HEG1: variants seen among roughly 807,000 people sequenced by gnomAD.
The protein encoded by HEG1 is protein HEG homolog 1.
In HEG1, 56 loss-of-function variants were observed where a neutral mutation model predicts 125.6. The observed-to-expected ratio is 0.45, with a 90% CI of 0.36 to 0.56. The LOEUF is 0.56. Ranked by LOEUF, HEG1 falls within the 20% of genes least tolerant of loss-of-function variation. The probability of loss-of-function intolerance (pLI) is 0.00; values close to 1 mark genes in which losing one functional copy is unlikely to be tolerated. For synonymous variants in HEG1, 644 were observed against 668.5 expected, an observed-to-expected ratio of 0.96 and a Z score of 0.57; for missense variants, 1,523 against 1,670.0, an observed-to-expected ratio of 0.91 and a Z score of 1.53.
intron 16 of HEG1, among the ~76,000 whole-genome samples, chr3:124,973,216 G>A (rs1165025123): frequency 6.6e-6 from 1 of 151,796 alleles, no homozygotes; most frequent in African/African-American, 2.4e-5. Context: ...CACGGTTTCT[G>A]TAGAGACATG....
chr3:125,010,567 T>C lies in HEG1; in HGVS notation c.2957-12A>G, dbSNP rs1937144085. On this transcript the variant is annotated splice_polypyrimidine_tract_variant and intron_variant, in intron 6 of 16. Coordinates refer to ENST00000311127, the MANE Select transcript of HEG1 (RefSeq NM_020733.2). ...AGCACAGCTGTTGACTACAAACACA[T>C]TCCAGGAGTAAAGCAGTTAACCACA... 6.7e-7 allele frequency: 1 copy of C among 1,501,822 alleles called. No homozygotes were observed. The highest frequency in any genetic ancestry group is 9.1e-7 in the Non-Finnish European group (1 of 1,104,670). The allele number at this position is 1,501,822 out of a possible 1,614,324, so 93.0% of individuals were successfully genotyped here.
At chr3:125,039,687 A>G (rs1410796216) in intron 1 of HEG1, among the ~76,000 whole-genome samples, 1 of 152,142 alleles carries the variant, frequency 6.6e-6, no homozygotes, top group Admixed American at 6.5e-5. Flanking sequence ...CATATAGCAC[A>G]TGGGGAAACT....
intron 1 of HEG1, among the ~76,000 whole-genome samples, chr3:125,055,252 G>A (rs1392109570): frequency 6.6e-6 from 1 of 152,224 alleles, no homozygotes; most frequent in Non-Finnish European, 1.5e-5. Flanking sequence ...GATATCGGAG[G>A]TGGGAGAGAT....
intron 14 of HEG1, among the ~76,000 whole-genome samples, chr3:124,978,439 G>T (rs538194942): frequency 2.0e-5 from 3 of 152,122 alleles, no homozygotes; most frequent in Admixed American, 2.0e-4. Context: ...GAGCCACCGC[G>T]CCCGGCCGAA....
At chr3:124,971,109 C>A in intron 16 of HEG1, 1 of 513,990 alleles carries the variant, frequency 1.9e-6, no homozygotes, top group Non-Finnish European at 3.8e-6. Flanking sequence ...AGGCCAACAG[C>A]AATCCTCAAG....
intron 11 of HEG1, among the ~76,000 whole-genome samples, chr3:125,000,134 C>T (rs1212713708): frequency 1.3e-5 from 2 of 152,118 alleles, no homozygotes; most frequent in African/African-American, 4.8e-5. Flanking sequence ...CTGTTTTTTT[C>T]AGCTAATATG....
chr3:125,048,117 C>T (rs1202799613), intron 1 of HEG1, among the ~76,000 whole-genome samples: 1 of 152,130 alleles, frequency 6.6e-6, no homozygotes, highest in African/African-American at 2.4e-5. Flanking sequence ...GTCTGCCTCC[C>T]ATGCCATCTG....
At chr3:124,989,003 C>A (rs1233052487) in intron 14 of HEG1, among the ~76,000 whole-genome samples, 1 of 152,122 alleles carries the variant, frequency 6.6e-6, no homozygotes, top group African/African-American at 2.4e-5. Flanking sequence ...AGAATTGCCT[C>A]CCTAGTCTTT....
intron 1 of HEG1, among the ~76,000 whole-genome samples, chr3:125,038,866 A>C (rs1937569359): frequency 6.6e-6 from 1 of 152,210 alleles, no homozygotes; most frequent in Non-Finnish European, 1.5e-5. Context: ...CAATGAAGTC[A>C]GGAGTAAGGA....
Position 125,002,039 on chromosome 3 carries a change from A to G in HEG1, c.3357-27T>C, listed in dbSNP as rs4557206. 2,594 of 1,613,008 alleles carry G rather than the reference A, an allele frequency of 1.6e-3. 32 individuals are homozygous for G. In the African/African-American group the frequency reaches 0.029, roughly 18 times the overall value. The stretch of plus-strand genomic sequence containing the variant: ...TATAGGCAAAGTTTGTGGGTTTTTA[A>G]CAGCCCTGAAATGACACGTGGGTCC... On this transcript the variant is annotated intron_variant, in intron 10 of 16. Coordinates refer to ENST00000311127, the MANE Select transcript of HEG1 (RefSeq NM_020733.2).
rs1415096215 is a variant in HEG1 at position 124,967,536 on chromosome 3, A to G, written c.*3116T>C. ...AATAATATTAAGGTTCCTTAAAAAA[A>G]TAACTTATCTTTAAAGCCCTTTCTC... On this transcript the variant is annotated 3_prime_UTR_variant, in exon 17 of 17. Coordinates refer to ENST00000311127, the MANE Select transcript of HEG1 (RefSeq NM_020733.2). 1 of 151,432 alleles carries G rather than the reference A, an allele frequency of 6.6e-6. No individual in the cohort carries two copies. The highest frequency in any genetic ancestry group is 1.5e-5 in the Non-Finnish European group (1 of 67,970). 9.4% of individuals were successfully genotyped at this position (151,432 alleles called of 1,614,324 possible). A position where few individuals can be genotyped will look rare whatever the true frequency, so the allele number is the denominator to read the frequency against.
At chr3:125,038,400 A>G (rs906982058) in intron 1 of HEG1, among the ~76,000 whole-genome samples, 1 of 152,138 alleles carries the variant, frequency 6.6e-6, no homozygotes, top group African/African-American at 2.4e-5. Context: ...ACTGTCCCCT[A>G]TTGAACTCCG....
At chr3:125,038,018 T>C (rs569428841) in intron 1 of HEG1, among the ~76,000 whole-genome samples, 1 of 152,320 alleles carries the variant, frequency 6.6e-6, no homozygotes, top group South Asian at 2.1e-4. Context: ...ATGCTACATA[T>C]GTCATAGCTA....
chr3:125,013,398 T>C lies in HEG1; in HGVS notation c.2181A>G (p.Thr727=), dbSNP rs753182458. The part of the protein sequence containing the change: ...SPLPVSLTTS[T]SAPLSVSQTT... ...TTTGTGAGACAGAAAGTGGGGCAGA[T>C]GTAGATGTCGTTAAGGATACTGGTA... The change falls in exon 6 of 17, where the codon ACA becomes ACG. Residue 727 remains threonine (T), a synonymous_variant. Transcript: ENST00000311127. The C allele has an allele frequency of 6.2e-7, 1 of 1,613,914 alleles. No homozygotes were observed. The highest frequency in any genetic ancestry group is 1.1e-5 in the South Asian group (1 of 91,070).
At chr3:124,985,526 G>A (rs192788290) in intron 14 of HEG1, among the ~76,000 whole-genome samples, 98 of 152,316 alleles carry the variant, frequency 6.4e-4, no homozygotes, top group African/African-American at 2.3e-3. Context: ...AGAAAAGGGT[G>A]GAGGCAAGGG....
chr3:124,967,666 CAAGGG>C lies in HEG1; in HGVS notation c.*2981_*2985del, dbSNP rs1262894720. 1 of 152,062 alleles carries C rather than the reference CAAGGG, an allele frequency of 6.6e-6. No individual in the cohort carries two copies. Among genetic ancestry groups the C allele is most frequent in the East Asian group, 1.9e-4 (1 of 5,184 alleles). The allele number at this position is 152,062 out of a possible 1,614,324, so 9.4% of individuals were successfully genotyped here. On this transcript the variant is annotated 3_prime_UTR_variant, in exon 17 of 17. Transcript: ENST00000311127. ...AGAGTAGCTGGGGGAGTCAGGCAGA[CAAGGG>C]TTTCAGTCCTGCTTCTACAGGGCAA...
intron 5 of HEG1, among the ~76,000 whole-genome samples, chr3:125,015,531 T>A (rs1937232264): frequency 6.6e-6 from 1 of 152,142 alleles, no homozygotes; most frequent in Non-Finnish European, 1.5e-5. Flanking sequence ...GGGTGAAAGG[T>A]GGGCTTGTTT....
intron 14 of HEG1, among the ~76,000 whole-genome samples, chr3:124,978,272 C>T (rs1272477448): frequency 2.0e-5 from 3 of 152,138 alleles, no homozygotes; most frequent in African/African-American, 7.2e-5. Flanking sequence ...CTCGGCCTCC[C>T]AAGTAGCTGG....
At chr3:125,035,880 A>G (rs1937543359) in intron 1 of HEG1, among the ~76,000 whole-genome samples, 1 of 152,150 alleles carries the variant, frequency 6.6e-6, no homozygotes, top group Non-Finnish European at 1.5e-5. Context: ...GCATAGCAGA[A>G]GCGTAACTTT....
Sources: gnomAD v4.1 joint callset for allele counts (sites outside exome capture counted in the v4.1 genomes callset) on GRCh38, gnomAD v4.1.1 for gene constraint, MANE v1.5 for transcripts, NCBI Gene and HGNC (gene_info 2026-07-23, HGNC 2026-07-21) for gene names.